Variants in SOD2 observed in about 807,000 individuals in gnomAD.
SOD2 encodes the protein superoxide dismutase [Mn], mitochondrial.
Under a neutral mutation model 27.0 loss-of-function variants are expected in SOD2, and 11 were observed. The ratio of observed to expected loss-of-function variants is 0.41; its 90% CI spans 0.26 to 0.67. The LOEUF (loss-of-function observed/expected upper bound fraction) is 0.67. Ranked by LOEUF, SOD2 falls within the 30% of genes least tolerant of loss-of-function variation. The pLI is 0.34. For missense variants in SOD2, 250 were observed against 274.5 expected (o/e 0.91, Z 0.63); for synonymous variants, 105 against 103.0 (o/e 1.02, Z -0.12).
At chr6:159,714,223 A>C (rs1777883427) in intron 1 of SOD2, among the ~76,000 whole-genome samples, 1 of 151,432 alleles carries the variant, frequency 6.6e-6, no homozygotes, top group Non-Finnish European at 1.5e-5. Flanking sequence ...ACAGGCCCTC[A>C]CCTCCCTAGA....
intron 1 of SOD2, among the ~76,000 whole-genome samples, chr6:159,701,569 CAAAAAAAAAAA>C (rs752905908): frequency 1.3e-5 from 1 of 78,044 alleles, no homozygotes. Context: ...GACCCTGTTT[CAAAAAAAAAAA>C]AAAAAAAAAG....
At chr6:159,747,179 G>T (rs369332051), upstream of SOD2, among the ~76,000 whole-genome samples, 2 of 152,156 alleles carry the variant, frequency 1.3e-5, no homozygotes, top group African/African-American at 4.8e-5. Flanking sequence ...CTTTGAGTAT[G>T]AAGAAAATGA....
Position 159,755,550 on chromosome 6 carries a change from G to A in SOD2, c.-336+5487C>T, listed in dbSNP as rs763169792. ...AGTGGGAAAGGTAATCGAACTGTGG[G>A]TTCCCGCCACGTTCAGAATGGCTTG... is the stretch of plus-strand genomic sequence containing the variant. On this transcript the variant is annotated intron_variant, in intron 1 of 7. Transcript: ENST00000546087. 2.5e-6 allele frequency: 4 copies of A among 1,614,074 alleles called. No individual in the cohort carries two copies. In the South Asian group the frequency reaches 4.4e-5, roughly 18 times the overall value.
At chr6:159,708,946 C>A (rs1445782399) in intron 1 of SOD2, among the ~76,000 whole-genome samples, 2 of 151,052 alleles carry the variant, frequency 1.3e-5, no homozygotes, top group African/African-American at 5.0e-5. Context: ...GAACAGAGCC[C>A]TCAGAAATAA....
chr6:159,686,215 A>C (rs1225727597), intron 3 of SOD2, among the ~76,000 whole-genome samples: 1 of 152,244 alleles, frequency 6.6e-6, no homozygotes, highest in African/African-American at 2.4e-5. Context: ...TATAAGCACA[A>C]ATGATGGAAT....
At chr6:159,744,758 C>T (rs1030029006) in intron 1 of SOD2, among the ~76,000 whole-genome samples, 1 of 152,150 alleles carries the variant, frequency 6.6e-6, no homozygotes, top group Non-Finnish European at 1.5e-5. Context: ...GCCTCTCTCT[C>T]ATCCAGGCTG....
intron 1 of SOD2, chr6:159,736,560 T>C (rs1778930476): frequency 3.1e-6 from 1 of 318,870 alleles, no homozygotes; most frequent in Non-Finnish European, 5.7e-6. Context: ...ATGTTCATTA[T>C]GTGAATATTT....
chr6:159,712,150 AGCTGCTCTGAC>A (rs1562438246), intron 1 of SOD2, among the ~76,000 whole-genome samples: 26 of 34,030 alleles, frequency 7.6e-4, no homozygotes, highest in Non-Finnish European at 1.4e-3. Context: ...ACCACCACTC[AGCTGCTCTGAC>A]CACCATAACC....
chr6:159,720,047 G>A (rs1173752404), intron 1 of SOD2, among the ~76,000 whole-genome samples: 2 of 144,132 alleles, frequency 1.4e-5, no homozygotes, highest in South Asian at 2.2e-4. Context: ...TTTTTGGTGG[G>A]GGGGACAGAG....
chr6:159,734,527 T>G (rs1778787691), intron 1 of SOD2, among the ~76,000 whole-genome samples: 1 of 152,138 alleles, frequency 6.6e-6, no homozygotes, highest in Non-Finnish European at 1.5e-5. Context: ...AAATAATAAC[T>G]AGGGCTGGGC....
At chr6:159,755,438 G>T in intron 1 of SOD2, 1 of 1,614,130 alleles carries the variant, frequency 6.2e-7, no homozygotes, top group Non-Finnish European at 8.5e-7. Flanking sequence ...TGAAAGTGTA[G>T]ACTCTCCCAC....
chr6:159,690,546 T>G (rs775735306), intron 2 of SOD2, among the ~76,000 whole-genome samples: 19 of 152,154 alleles, frequency 1.2e-4, no homozygotes, highest in Non-Finnish European at 7.3e-5. Context: ...CCAACTGATA[T>G]CTGAATACAC....
At chr6:159,722,198 C>A (rs1778055776) in intron 1 of SOD2, among the ~76,000 whole-genome samples, 1 of 151,812 alleles carries the variant, frequency 6.6e-6, no homozygotes, top group Admixed American at 6.6e-5. Context: ...GGCAACATAG[C>A]AAGACCCCAT....
intron 1 of SOD2, chr6:159,755,509 A>G: frequency 6.2e-7 from 1 of 1,614,184 alleles, no homozygotes; most frequent in South Asian, 1.1e-5. Flanking sequence ...ATGACCCTCA[A>G]GAGGAGAAAG....
At position 159,671,089 on chromosome 6, in the gene SOD2, G is replaced by A. The variant is rs192357706; in HGVS notation, c.*11404C>T. 5.7e-3 allele frequency: 867 copies of A among 151,518 alleles called. 7 individuals are homozygous for A. Among genetic ancestry groups the A allele is most frequent in the Non-Finnish European group, 8.7e-3 (592 of 68,046 alleles). The allele number at this position is 151,518 out of a possible 1,614,324, so 9.4% of individuals were successfully genotyped here. A position where few individuals can be genotyped will look rare whatever the true frequency, so the allele number is the denominator to read the frequency against. On this transcript the variant is annotated 3_prime_UTR_variant, in exon 5 of 5. Coordinates refer to ENST00000538183, the MANE Select transcript of SOD2 (RefSeq NM_000636.4). ...GCTTCAGTAGGTAAATAAAGCAGCC[G>A]GGAAGCTCGAACTAGGTGGAGCCCA...
At position 159,704,091 on chromosome 6, in the gene SOD2, C is replaced by T. The variant is rs1777575894; in HGVS notation, c.-115-11228G>A. On this transcript the variant is annotated intron_variant, in intron 1 of 2. Coordinates refer to the SOD2 transcript ENST00000401980. ...ATGAGGTCAAGAGATCAAGATCATC[C>T]TGGCCAACACGGTGAAACCCCATCT... 2.0e-5 allele frequency among the ~76,000 whole-genome samples: 3 copies of T among 152,182 alleles called. No individual in the cohort carries two copies. The South Asian group carries it at 6.2e-4, about 31-fold the overall frequency.
chr6:159,712,744 A>G, intron 1 of SOD2: 3 of 463,312 alleles, frequency 6.5e-6, no homozygotes, highest in South Asian at 5.3e-5. Flanking sequence ...CACTACTCAG[A>G]CCACCATAAC....
chr6:159,728,510 A>G (rs1361431317), upstream of SOD2, among the ~76,000 whole-genome samples: 1 of 152,174 alleles, frequency 6.6e-6, no homozygotes, highest in African/African-American at 2.4e-5. Context: ...TGCCTATTTT[A>G]TCTAGTTTTA....
chr6:159,727,454 G>T, upstream of SOD2: 1 of 1,062,200 alleles, frequency 9.4e-7, no homozygotes, highest in South Asian at 2.4e-5. Flanking sequence ...GGCGGGGCAG[G>T]GCGGAGCGGA....
Sources: allele counts gnomAD v4.1 joint callset (sites outside exome capture counted in the v4.1 genomes callset), GRCh38; gene constraint gnomAD v4.1.1; transcripts MANE v1.5; gene names NCBI Gene and HGNC (gene_info 2026-07-23, HGNC 2026-07-21).